Variants in DAPL1 observed in about 807,000 individuals in gnomAD.
The protein encoded by DAPL1 is death associated protein like 1.
Under a neutral mutation model 12.9 loss-of-function variants are expected in DAPL1, and 17 were observed. That is an observed-to-expected ratio of 1.32 (90% CI 0.90 to 1.98). The LOEUF is 1.98. Ranked by LOEUF, DAPL1 falls within the 30% of genes most tolerant of loss-of-function variation. The pLI, the probability that DAPL1 is intolerant of heterozygous loss-of-function variation, is 0.00. For synonymous variants in DAPL1, 51 were observed against 42.0 expected, an observed-to-expected ratio of 1.21 and a Z score of -0.82; for missense variants, 157 against 125.7, an observed-to-expected ratio of 1.25 and a Z score of -1.19.
chr2:158,798,687 A>C (rs1346391983), intron 1 of DAPL1, among the ~76,000 whole-genome samples: 1 of 152,116 alleles, frequency 6.6e-6, no homozygotes. Context: ...CCTCATGTCA[A>C]AGCCCTCTTA....
At chr2:158,813,353 G>T (rs1165879236) in intron 3 of DAPL1, among the ~76,000 whole-genome samples, 1 of 152,120 alleles carries the variant, frequency 6.6e-6, no homozygotes. Context: ...AGCACCACTG[G>T]ACTAACTGTA....
Position 158,806,227 on chromosome 2 carries a change from A to G in DAPL1, c.147-828A>G, listed in dbSNP as rs183482440. On this transcript the variant is annotated intron_variant, in intron 2 of 3. Coordinates refer to ENST00000309950, the MANE Select transcript of DAPL1 (RefSeq NM_001017920.3). ...TAATAGCTTCTACAAACCAACACAAACCATCCAGAAAAAAAAAAATATGCC... is the reference window on the plus strand; with the variant it reads ...TAATAGCTTCTACAAACCAACACAAGCCATCCAGAAAAAAAAAAATATGCC... Among the ~76,000 whole-genome samples the G allele has an allele frequency of 1.1e-3, 147 of 132,670 alleles. 11 individuals carry two copies. The highest frequency in any genetic ancestry group is 3.4e-3 in the African/African-American group (138 of 40,210). The allele number at this position is 132,670 out of a possible 152,430, so 87.0% of individuals were successfully genotyped here. A position where few individuals can be genotyped will look rare whatever the true frequency, so the allele number is the denominator to read the frequency against.
intron 1 of DAPL1, among the ~76,000 whole-genome samples, chr2:158,803,051 A>G (rs940981886): frequency 2.6e-5 from 4 of 152,252 alleles, no homozygotes; most frequent in African/African-American, 9.6e-5. Flanking sequence ...AACTTTCTCT[A>G]AAATATGTGA....
At position 158,795,402 on chromosome 2, in the gene DAPL1, C is replaced by T. The variant is rs771765151; in HGVS notation, c.30C>T (p.Ser10=). The T allele has an allele frequency of 2.6e-6, 4 of 1,555,954 alleles. No homozygotes were observed. In the South Asian group the frequency reaches 3.6e-5, roughly 14 times the overall value. MANEVQDLL[S]PRKGGHPPAV... The stretch of plus-strand genomic sequence containing the variant: ...CAAATGAAGTGCAAGACCTGCTCTC[C>T]CCTCGGAAAGGGGGACATCCTCCTG... The change falls in exon 1 of 4, where the codon TCC becomes TCT. Residue 10 remains serine, a synonymous_variant. Coordinates refer to ENST00000309950, the MANE Select transcript of DAPL1 (RefSeq NM_001017920.3).
At chr2:158,804,465 T>TCTC (rs1211130552) in intron 2 of DAPL1, 96 bp downstream of exon 2, 1 of 859,750 alleles carries the variant, frequency 1.2e-6, no homozygotes, top group African/African-American at 1.7e-5. Context: ...CCCTATGCCT[T>TCTC]TGGAGGCAGC....
chr2:158,797,893 T>A (rs1460670738), intron 1 of DAPL1, among the ~76,000 whole-genome samples: 1 of 152,200 alleles, frequency 6.6e-6, no homozygotes, highest in South Asian at 2.1e-4. Flanking sequence ...ATATAATATA[T>A]TGCATCTCTG....
intron 2 of DAPL1, among the ~76,000 whole-genome samples, chr2:158,805,310 C>G (rs746212271): frequency 6.6e-6 from 1 of 152,124 alleles, no homozygotes; most frequent in South Asian, 2.1e-4. Context: ...AATACTGATT[C>G]GCTCCATTAG....
intron 2 of DAPL1, among the ~76,000 whole-genome samples, chr2:158,805,019 A>G (rs1000284617): frequency 2.0e-5 from 3 of 152,178 alleles, no homozygotes; most frequent in African/African-American, 7.2e-5. Context: ...CCAAAAAACA[A>G]GAAACACGCA....
intron 3 of DAPL1, among the ~76,000 whole-genome samples, chr2:158,811,934 T>C (rs940296231): frequency 1.3e-5 from 2 of 152,234 alleles, no homozygotes; most frequent in East Asian, 1.9e-4. Flanking sequence ...CCTATCTCCA[T>C]TGATATAAAA....
chr2:158,811,563 A>G (rs981655732), intron 3 of DAPL1, among the ~76,000 whole-genome samples: 1 of 152,202 alleles, frequency 6.6e-6, no homozygotes, highest in Non-Finnish European at 1.5e-5. Context: ...TGAAAAATAT[A>G]GGTTCTGAGG....
chr2:158,797,583 G>C (rs181597647), intron 1 of DAPL1, among the ~76,000 whole-genome samples: 1 of 152,174 alleles, frequency 6.6e-6, no homozygotes, highest in South Asian at 2.1e-4. Context: ...CCTGAGGTCA[G>C]GAGTTCAAGA....
intron 3 of DAPL1, among the ~76,000 whole-genome samples, chr2:158,808,492 A>C (rs1444320921): frequency 6.6e-6 from 1 of 152,248 alleles, no homozygotes; most frequent in Admixed American, 6.5e-5. Context: ...TTTTTATGAC[A>C]GTGAAATAAG....
chr2:158,801,347 C>G (rs2059166501), intron 1 of DAPL1, among the ~76,000 whole-genome samples: 1 of 152,126 alleles, frequency 6.6e-6, no homozygotes, highest in Non-Finnish European at 1.5e-5. Context: ...TCAAAGGCCC[C>G]AGAGCTCTTA....
intron 3 of DAPL1, among the ~76,000 whole-genome samples, chr2:158,810,668 C>G (rs1190363048): frequency 6.6e-6 from 1 of 152,172 alleles, no homozygotes; most frequent in Non-Finnish European, 1.5e-5. Context: ...CCCCTCCACA[C>G]AGCCTGCTTT....
intron 2 of DAPL1, among the ~76,000 whole-genome samples, chr2:158,804,585 C>G (rs968736918): frequency 1.3e-4 from 20 of 152,316 alleles, no homozygotes; most frequent in African/African-American, 4.8e-4. Flanking sequence ...GGGCTCCCAT[C>G]ACGACCCCCA....
chr2:158,802,328 A>T (rs1160966131), intron 1 of DAPL1, among the ~76,000 whole-genome samples: 1 of 152,220 alleles, frequency 6.6e-6, no homozygotes, highest in Non-Finnish European at 1.5e-5. Context: ...GCAAGAACCT[A>T]AAAGAGCCAG....
In DAPL1 at chr2:158,807,180, T is replaced by C; in HGVS notation, c.207+65T>C. 3 of 1,324,250 alleles carry C rather than the reference T, an allele frequency of 2.3e-6. No individual in the cohort carries two copies. In the South Asian group the frequency reaches 3.9e-5, roughly 17 times the overall value. The allele number at this position is 1,324,250 out of a possible 1,614,324, so 82.0% of individuals were successfully genotyped here. Reference sequence around the variant, plus strand: ...TGCCCAGTGGATCCAGCTGCATGGGTGAATGAGCGGATGACCACTGAGGTT... The same window carrying C: ...TGCCCAGTGGATCCAGCTGCATGGGCGAATGAGCGGATGACCACTGAGGTT... On this transcript the variant is annotated intron_variant, in intron 3 of 3. Transcript: ENST00000309950.
chr2:158,796,793 T>A (rs755251671), intron 1 of DAPL1, among the ~76,000 whole-genome samples: 146 of 152,294 alleles, frequency 9.6e-4, no homozygotes, highest in Admixed American at 3.7e-3. Context: ...CCACCACTAA[T>A]GATTGCTAAT....
At chr2:158,800,708 C>T (rs1467260661) in intron 1 of DAPL1, among the ~76,000 whole-genome samples, 1 of 152,194 alleles carries the variant, frequency 6.6e-6, no homozygotes. Context: ...TTTGCTTCTT[C>T]AGGAGTTATC....
Sources: allele counts gnomAD v4.1 joint callset (sites outside exome capture counted in the v4.1 genomes callset), GRCh38; gene constraint gnomAD v4.1.1; transcripts MANE v1.5; gene names NCBI Gene and HGNC (gene_info 2026-07-23, HGNC 2026-07-21).